The following MGAT4C variants were observed in gnomAD, a reference collection of about 807,000 sequenced individuals.
MGAT4C encodes alpha-1,3-mannosyl-glycoprotein 4-beta-N-acetylglucosaminyltransferase C.
In MGAT4C, 19 loss-of-function variants were observed where a neutral mutation model predicts 40.1. The observed-to-expected ratio is 0.47, with a 90% CI of 0.33 to 0.70. The LOEUF is 0.70. Among genes scored for constraint, MGAT4C ranks in the 30% least tolerant of loss-of-function variants. The pLI, the probability that MGAT4C is intolerant of heterozygous loss-of-function variation, is 0.02. For missense variants in MGAT4C, 491 were observed against 563.2 expected (o/e 0.87, Z 1.30); for synonymous variants, 181 against 187.1 (o/e 0.97, Z 0.27).
In MGAT4C at chr12:85,967,401, C is replaced by T. The variant is rs562724365; in HGVS notation, c.*11888G>A. 6 of 152,178 alleles carry T rather than the reference C, an allele frequency of 3.9e-5. No individual in the cohort carries two copies. The highest frequency in any genetic ancestry group is 7.2e-5 in the African/African-American group (3 of 41,546). 9.4% of individuals were successfully genotyped at this position (152,178 alleles called of 1,614,324 possible). A position where few individuals can be genotyped will look rare whatever the true frequency, so the allele number is the denominator to read the frequency against. ...AATTATAAGAAATCTCTATACATTA[C>T]GTTTTAAAATACATAAAACCCATAA... On this transcript the variant is annotated 3_prime_UTR_variant, in exon 5 of 5. Coordinates refer to ENST00000611864, the MANE Select transcript of MGAT4C (RefSeq NM_001351288.2).
At chr12:86,043,406 A>G (rs974158334) in intron 2 of MGAT4C, among the ~76,000 whole-genome samples, 1 of 152,144 alleles carries the variant, frequency 6.6e-6, no homozygotes, top group Non-Finnish European at 1.5e-5. Context: ...CCAAGAGTCT[A>G]AAAGCTGAAG....
chr12:86,585,488 A>C (rs1960978170), intron 2 of MGAT4C, among the ~76,000 whole-genome samples: 2 of 151,442 alleles, frequency 1.3e-5, no homozygotes, highest in African/African-American at 2.4e-5. Flanking sequence ...AAAATGAAAA[A>C]TTTTGCCTAA....
At chr12:86,813,781 A>T (rs1241872715) in intron 1 of MGAT4C, among the ~76,000 whole-genome samples, 2 of 152,138 alleles carry the variant, frequency 1.3e-5, no homozygotes, top group Admixed American at 1.3e-4. Context: ...CAGATTTTCC[A>T]ATTTTACAAA....
At chr12:86,703,977 A>G (rs1950408906) in intron 2 of MGAT4C, among the ~76,000 whole-genome samples, 1 of 152,166 alleles carries the variant, frequency 6.6e-6, no homozygotes, top group South Asian at 2.1e-4. Context: ...TTCTTTCCAT[A>G]TAGACACAAC....
intron 3 of MGAT4C, among the ~76,000 whole-genome samples, chr12:86,355,846 T>C (rs562055246): frequency 2.0e-5 from 3 of 152,210 alleles, no homozygotes; most frequent in East Asian, 3.9e-4. Context: ...AACTGAACAA[T>C]TAAAATAGGC....
At chr12:86,519,803 A>G (rs1388045340) in intron 2 of MGAT4C, among the ~76,000 whole-genome samples, 4 of 152,180 alleles carry the variant, frequency 2.6e-5, no homozygotes, top group African/African-American at 7.2e-5. Context: ...TCTGGTTATT[A>G]ATCCCATATC....
chr12:86,431,265 T>C (rs1228822586), intron 3 of MGAT4C, among the ~76,000 whole-genome samples: 3 of 152,144 alleles, frequency 2.0e-5, no homozygotes, highest in South Asian at 2.1e-4. Context: ...TCCACTCTTG[T>C]CACTGTGGTC....
intron 2 of MGAT4C, among the ~76,000 whole-genome samples, chr12:86,639,607 A>C (rs1963319853): frequency 1.3e-5 from 2 of 151,850 alleles, no homozygotes; most frequent in African/African-American, 2.4e-5. Context: ...TTTGATTGCC[A>C]AGAATAGTTT....
At chr12:86,588,143 G>C (rs1450084243) in intron 2 of MGAT4C, among the ~76,000 whole-genome samples, 1 of 151,624 alleles carries the variant, frequency 6.6e-6, no homozygotes, top group East Asian at 2.0e-4. Flanking sequence ...AATTTATTGA[G>C]AGTTTTTAGC....
intron 2 of MGAT4C, among the ~76,000 whole-genome samples, chr12:85,998,487 T>C (rs1330178575): frequency 6.6e-6 from 1 of 152,200 alleles, no homozygotes; most frequent in Non-Finnish European, 1.5e-5. Flanking sequence ...CTTTTATGCT[T>C]TGCTTCCCTT....
At chr12:86,163,596 A>G (rs1885850249) in intron 1 of MGAT4C, among the ~76,000 whole-genome samples, 1 of 152,194 alleles carries the variant, frequency 6.6e-6, no homozygotes, top group Admixed American at 6.6e-5. Flanking sequence ...TTTTTGTTGA[A>G]GTATTGAATA....
At position 86,751,698 on chromosome 12, in the gene MGAT4C, A is replaced by G. The variant is rs376751324; in HGVS notation, c.-261-24457T>C. Among the ~76,000 whole-genome samples, 17 of 152,208 alleles carry G rather than the reference A, an allele frequency of 1.1e-4. No individual in the cohort carries two copies. The East Asian group carries it at 1.7e-3, about 16-fold the overall frequency. On this transcript the variant is annotated intron_variant, in intron 1 of 7. Coordinates refer to the MGAT4C transcript ENST00000548651. ...AGATGGTGGTTTCTTAGAAAATTCAAAGCACATTGCTTAATTTATTGATGA... is the reference window on the plus strand; with the variant it reads ...AGATGGTGGTTTCTTAGAAAATTCAGAGCACATTGCTTAATTTATTGATGA...
intron 2 of MGAT4C, among the ~76,000 whole-genome samples, chr12:86,545,783 A>G (rs1043031361): frequency 6.6e-6 from 1 of 151,896 alleles, no homozygotes; most frequent in African/African-American, 2.4e-5. Context: ...CCTAGAAAAA[A>G]AAACAAAAAC....
intron 1 of MGAT4C, among the ~76,000 whole-genome samples, chr12:86,836,637 T>C (rs556614813): frequency 6.6e-6 from 1 of 152,152 alleles, no homozygotes; most frequent in Admixed American, 6.6e-5. Flanking sequence ...AACATGATTG[T>C]GGTAGAGAAT....
At chr12:86,298,365 G>C (rs191575421) in intron 4 of MGAT4C, among the ~76,000 whole-genome samples, 1 of 152,086 alleles carries the variant, frequency 6.6e-6, no homozygotes, top group Non-Finnish European at 1.5e-5. Context: ...GGTTTGTCAT[G>C]AGATGGCAAC....
intron 1 of MGAT4C, among the ~76,000 whole-genome samples, chr12:86,187,824 G>A (rs1158899701): frequency 1.3e-5 from 2 of 151,728 alleles, no homozygotes; most frequent in Non-Finnish European, 2.9e-5. Flanking sequence ...TCTAAGGTGC[G>A]CTTCACTAAA....
chr12:86,171,197 G>C (rs839110), intron 1 of MGAT4C, among the ~76,000 whole-genome samples: 134,865 of 152,028 alleles, frequency 0.89, 60,070 homozygotes, highest in East Asian at 1. Context: ...TAGAGAAACC[G>C]TGTCTATACT....
intron 3 of MGAT4C, among the ~76,000 whole-genome samples, chr12:86,355,868 T>G (rs1436015896): frequency 1.3e-5 from 2 of 152,146 alleles, no homozygotes; most frequent in East Asian, 3.9e-4. Context: ...GTATTTTGCC[T>G]CTGTACGTTC....
chr12:86,228,559 G>A (rs1951188770), intron 1 of MGAT4C, among the ~76,000 whole-genome samples: 1 of 151,702 alleles, frequency 6.6e-6, no homozygotes, highest in Admixed American at 6.6e-5. Context: ...CAGGAATCAA[G>A]AGAATTCTCA....
Sources: gnomAD v4.1 joint callset for allele counts (sites outside exome capture counted in the v4.1 genomes callset) on GRCh38, gnomAD v4.1.1 for gene constraint, MANE v1.5 for transcripts, NCBI Gene and HGNC (gene_info 2026-07-23, HGNC 2026-07-21) for gene names.